Variants in AK5 observed in about 807,000 individuals in gnomAD.
AK5 encodes the protein adenylate kinase isoenzyme 5.
AK5 carries 27 observed loss-of-function variants against 69.5 expected under a neutral mutation model. That is an observed-to-expected ratio of 0.39 (90% CI 0.29 to 0.54). The LOEUF (loss-of-function observed/expected upper bound fraction) is 0.54. Among genes scored for constraint, AK5 ranks in the 20% least tolerant of loss-of-function variants. The pLI, the probability that AK5 is intolerant of heterozygous loss-of-function variation, is 0.71. For synonymous variants in AK5, 260 were observed against 244.4 expected (o/e 1.06, Z -0.60); for missense variants, 531 against 700.4 (o/e 0.76, Z 2.73).
chr1:77,317,996 A>G (rs1057438296), intron 5 of AK5, among the ~76,000 whole-genome samples: 13 of 152,246 alleles, frequency 8.5e-5, no homozygotes, highest in African/African-American at 3.1e-4. Context: ...GCATGTTGTC[A>G]TAGTTATGAA....
At chr1:77,441,722 C>A (rs563412445) in intron 8 of AK5, among the ~76,000 whole-genome samples, 1 of 152,308 alleles carries the variant, frequency 6.6e-6, no homozygotes, top group African/African-American at 2.4e-5. Context: ...CTGAGAGGAT[C>A]CTTCTTGATG....
At chr1:77,284,055 T>C (rs1423931087) in intron 1 of AK5, among the ~76,000 whole-genome samples, 2 of 152,216 alleles carry the variant, frequency 1.3e-5, no homozygotes, top group Non-Finnish European at 2.9e-5. Flanking sequence ...ATGTTTCTTA[T>C]TTACTTTTCT....
chr1:77,399,268 C>T (rs1023222325), intron 6 of AK5, among the ~76,000 whole-genome samples: 1 of 152,134 alleles, frequency 6.6e-6, no homozygotes, highest in African/African-American at 2.4e-5. Flanking sequence ...TTTAGACAAT[C>T]GGCCACTGCA....
chr1:77,498,833 G>A (rs1656520406), intron 10 of AK5, among the ~76,000 whole-genome samples: 2 of 152,194 alleles, frequency 1.3e-5, no homozygotes, highest in African/African-American at 4.8e-5. Context: ...TTAAATTCCT[G>A]TTTGTTTCCT....
chr1:77,391,495 G>GTGTATATATATATATA (rs1425180466), intron 6 of AK5, among the ~76,000 whole-genome samples: 632 of 62,842 alleles, frequency 0.01, 4 homozygotes, highest in South Asian at 0.023. Context: ...GTGTGTGTGT[G>GTGTATATATATATATA]TATATATATA....
chr1:77,355,868 T>TACACACACACACACAC (rs66682700), intron 6 of AK5, among the ~76,000 whole-genome samples: 23 of 146,248 alleles, frequency 1.6e-4, no homozygotes, highest in African/African-American at 5.8e-4. Context: ...CCTCATTAAA[T>TACACACACACACACAC]ACACACACAC....
chr1:77,383,761 A>G (rs1647814947), intron 6 of AK5, among the ~76,000 whole-genome samples: 1 of 152,188 alleles, frequency 6.6e-6, no homozygotes, highest in South Asian at 2.1e-4. Flanking sequence ...AGATATGTTA[A>G]ATCAAGTGTT....
intron 10 of AK5, among the ~76,000 whole-genome samples, chr1:77,486,619 A>AC (rs1459357139): frequency 2.0e-5 from 3 of 150,990 alleles, no homozygotes; most frequent in Admixed American, 6.6e-5. Flanking sequence ...AATGGTGTGA[A>AC]CCCGGGAGGC....
At chr1:77,404,962 A>G (rs1331906002) in intron 6 of AK5, among the ~76,000 whole-genome samples, 1 of 152,178 alleles carries the variant, frequency 6.6e-6, no homozygotes, top group African/African-American at 2.4e-5. Context: ...TTCTTGTTCA[A>G]ATTACTCGGA....
At chr1:77,398,793 C>T (rs769243320) in intron 6 of AK5, among the ~76,000 whole-genome samples, 108 of 152,196 alleles carry the variant, frequency 7.1e-4, no homozygotes, top group Non-Finnish European at 1.3e-3. Flanking sequence ...TTTAATCTTG[C>T]TTCCATGCAT....
intron 6 of AK5, among the ~76,000 whole-genome samples, chr1:77,373,732 GA>G (rs71075739): frequency 0.56 from 79,863 of 143,590 alleles, 22,669 homozygotes; most frequent in East Asian, 0.82. Context: ...TCTCAAAAAA[GA>G]AAAAAAAAAA....
At chr1:77,476,391 A>G (rs1231298198) in intron 8 of AK5, among the ~76,000 whole-genome samples, 3 of 152,256 alleles carry the variant, frequency 2.0e-5, no homozygotes, top group Middle Eastern at 3.4e-3. Flanking sequence ...AAATGTACTT[A>G]TGTTTGTATT....
At chr1:77,458,295 T>C (rs1037934646) in intron 8 of AK5, among the ~76,000 whole-genome samples, 7 of 152,048 alleles carry the variant, frequency 4.6e-5, no homozygotes, top group African/African-American at 1.7e-4. Context: ...TCCCCTCTCT[T>C]CCTTGCTTTC....
chr1:77,522,581 C>T (rs895362872), intron 12 of AK5, among the ~76,000 whole-genome samples: 2 of 152,122 alleles, frequency 1.3e-5, no homozygotes, highest in African/African-American at 4.8e-5. Flanking sequence ...ACCACCCTCC[C>T]ACTATCCTCC....
intron 5 of AK5, among the ~76,000 whole-genome samples, chr1:77,301,304 A>G (rs1659330054): frequency 6.6e-6 from 1 of 152,172 alleles, no homozygotes. Flanking sequence ...TCCAGCTGGA[A>G]TGGACGGGGA....
At chr1:77,409,427 A>G (rs1395402202) in intron 6 of AK5, among the ~76,000 whole-genome samples, 1 of 152,088 alleles carries the variant, frequency 6.6e-6, no homozygotes, top group African/African-American at 2.4e-5. Context: ...AATAATAGTC[A>G]TTCTGATTGC....
At position 77,337,108 on chromosome 1, in the gene AK5, C is replaced by CT. The variant is rs1460323039; in HGVS notation, c.700-3268dup. Among the ~76,000 whole-genome samples the CT allele has an allele frequency of 2.0e-5, 3 of 152,088 alleles. No homozygotes were observed. The East Asian group carries it at 5.8e-4, about 29-fold the overall frequency. On this transcript the variant is annotated intron_variant, in intron 5 of 13. Coordinates refer to ENST00000354567, the MANE Select transcript of AK5 (RefSeq NM_174858.3). ...AAACCTAAAACTGCTTGGAAAAAGTCTAACTAAAAACATACATAAACAAAA... is the reference window on the plus strand; with the variant it reads ...AAACCTAAAACTGCTTGGAAAAAGTCTTAACTAAAAACATACATAAACAAAA...
chr1:77,460,008 C>A (rs1013781256), intron 8 of AK5, among the ~76,000 whole-genome samples: 11 of 152,132 alleles, frequency 7.2e-5, no homozygotes, highest in Admixed American at 6.5e-5. Context: ...ATCTTATGGT[C>A]TTAATGAGCA....
At chr1:77,328,140 T>G (rs1363741989) in intron 5 of AK5, among the ~76,000 whole-genome samples, 3 of 152,166 alleles carry the variant, frequency 2.0e-5, no homozygotes, top group Admixed American at 6.5e-5. Context: ...AAAGACATCT[T>G]GGGGAAAAGA....
Sources: allele counts gnomAD v4.1 joint callset (sites outside exome capture counted in the v4.1 genomes callset), GRCh38; gene constraint gnomAD v4.1.1; transcripts MANE v1.5; gene names NCBI Gene and HGNC (gene_info 2026-07-23, HGNC 2026-07-21).